POU2F2: variants seen among roughly 807,000 people sequenced by gnomAD.
The protein encoded by POU2F2 is POU domain, class 2, transcription factor 2.
Under a neutral mutation model 63.5 loss-of-function variants are expected in POU2F2, and 14 were observed. That is an observed-to-expected ratio of 0.22 (90% confidence interval 0.15 to 0.34). The LOEUF (loss-of-function observed/expected upper bound fraction) is 0.34, where lower values mean the gene tolerates loss of function less well. POU2F2 is among the 10% of genes least tolerant of loss of function. The pLI is 1.00. For missense variants in POU2F2, 607 were observed against 815.2 expected, an observed-to-expected ratio of 0.74 and a Z score of 3.11; for synonymous variants, 306 against 348.6, an observed-to-expected ratio of 0.88 and a Z score of 1.36.
At chr19:42,171,137 C>A (rs2034756410) in intron 1 of POU2F2, among the ~76,000 whole-genome samples, 1 of 152,270 alleles carries the variant, frequency 6.6e-6, no homozygotes, top group Non-Finnish European at 1.5e-5. Context: ...GCGACCCTCC[C>A]CTCAGCACAC....
chr19:42,099,279 C>G (rs2077038027), intron 7 of POU2F2: 1 of 484,866 alleles, frequency 2.1e-6, no homozygotes, highest in African/African-American at 1.9e-5. Flanking sequence ...TCATCATATT[C>G]TCAAAGGAGC....
At chr19:42,140,802 G>A (rs1357763807) in intron 2 of POU2F2, among the ~76,000 whole-genome samples, 2 of 152,194 alleles carry the variant, frequency 1.3e-5, no homozygotes, top group African/African-American at 4.8e-5. Context: ...CTGGCATATA[G>A]TTGATGCTTG....
At chr19:42,102,142 C>T (rs764916511) in intron 5 of POU2F2, among the ~76,000 whole-genome samples, 15 of 152,288 alleles carry the variant, frequency 9.8e-5, no homozygotes, top group African/African-American at 2.6e-4. Context: ...AGCCCAAGCG[C>T]GCACAACAGT....
At chr19:42,139,088 G>C (rs2034076506) in intron 2 of POU2F2, among the ~76,000 whole-genome samples, 1 of 152,126 alleles carries the variant, frequency 6.6e-6, no homozygotes, top group East Asian at 1.9e-4. Flanking sequence ...AGGTCGACGA[G>C]GGCGGATCAC....
chr19:42,194,925 G>A (rs1205904082), intron 1 of POU2F2, among the ~76,000 whole-genome samples: 2 of 116,628 alleles, frequency 1.7e-5, no homozygotes, highest in African/African-American at 6.9e-5. Context: ...GGAAGGGAAG[G>A]AGGAAAGAAA....
In POU2F2 at chr19:42,095,222, G is replaced by A. The variant is rs1201868723; in HGVS notation, c.1197+64C>T. 1 of 1,526,906 alleles carries A rather than the reference G, an allele frequency of 6.5e-7. No individual in the cohort carries two copies. The highest frequency in any genetic ancestry group is 8.8e-7 in the Non-Finnish European group (1 of 1,134,566). The allele number at this position is 1,526,906 out of a possible 1,614,324, so 94.6% of individuals were successfully genotyped here. A position where few individuals can be genotyped will look rare whatever the true frequency, so the allele number is the denominator to read the frequency against. On this transcript the variant is annotated intron_variant, in intron 11 of 14. Transcript: ENST00000692977. The surrounding 1 kb of genome is among the most constrained non-coding windows in gnomAD (Gnocchi z 7.1). ...GGCTCTGTGGACAACCAGGTAGGGT[G>A]GGCTTCACACAGGTGCCTGCGGAGC...
chr19:42,193,635 A>G (rs541496900), intron 1 of POU2F2, among the ~76,000 whole-genome samples: 1 of 152,248 alleles, frequency 6.6e-6, no homozygotes, highest in South Asian at 2.1e-4. Flanking sequence ...GAACTGTGAG[A>G]AAATACATTT....
chr19:42,091,214 A>G lies in POU2F2; in HGVS notation c.*43T>C. ...TCGCCCTCTTCCCAGGCAAGGGACC[A>G]AGGCAGGGACCAGAGGAATGGGAGG... On this transcript the variant is annotated 3_prime_UTR_variant, in exon 15 of 15. Transcript: ENST00000692977. The G allele has an allele frequency of 6.7e-7, 1 of 1,487,720 alleles. No individual in the cohort carries two copies. Among genetic ancestry groups the G allele is most frequent in the Non-Finnish European group, 8.9e-7 (1 of 1,119,582 alleles). The allele number at this position is 1,487,720 out of a possible 1,614,324, so 92.2% of individuals were successfully genotyped here. A position where few individuals can be genotyped will look rare whatever the true frequency, so the allele number is the denominator to read the frequency against.
At chr19:42,181,559 C>T (rs75782847) in intron 1 of POU2F2, among the ~76,000 whole-genome samples, 3,047 of 148,274 alleles carry the variant, frequency 0.021, 100 homozygotes, top group African/African-American at 0.071. Flanking sequence ...TGAGTGTGTG[C>T]GTCTGAACAT....
intron 2 of POU2F2, among the ~76,000 whole-genome samples, chr19:42,150,499 C>T (rs2034321211): frequency 6.6e-6 from 1 of 150,798 alleles, no homozygotes; most frequent in Non-Finnish European, 1.5e-5. Flanking sequence ...GCATTCAGGG[C>T]AGCTGACAAT....
intron 7 of POU2F2, 69 bp downstream of exon 7, chr19:42,099,458 C>T: frequency 7.3e-7 from 1 of 1,371,812 alleles, no homozygotes; most frequent in Non-Finnish European, 1.0e-6. Context: ...CATCCCCCAC[C>T]CCCGTTTACC....
At chr19:42,113,479 AACCAGCATTT>A (rs1477422017) in intron 5 of POU2F2, among the ~76,000 whole-genome samples, 3 of 152,250 alleles carry the variant, frequency 2.0e-5, no homozygotes, top group Non-Finnish European at 4.4e-5. Flanking sequence ...CAAACTGTTT[AACCAGCATTT>A]ACTTTGGAAG....
rs951288163 is a variant in POU2F2, at chr19:42,088,699, T to C, written c.*2558A>G. 2.0e-5 allele frequency: 3 copies of C among 152,684 alleles called. No homozygotes were observed. In the East Asian group the frequency reaches 5.8e-4, roughly 30 times the overall value. The allele number at this position is 152,684 out of a possible 1,614,324, so 9.5% of individuals were successfully genotyped here. A position where few individuals can be genotyped will look rare whatever the true frequency, so the allele number is the denominator to read the frequency against. On this transcript the variant is annotated 3_prime_UTR_variant, in exon 15 of 15. Coordinates refer to ENST00000692977, the MANE Select transcript of POU2F2 (RefSeq NM_001394376.1). ...CCCTTGGGCTGGGGCCCAAGCCCTC[T>C]TGCCAGTCCCTTCTCTCTTCAGGAA...
At chr19:42,184,459 A>G (rs950197976) in intron 1 of POU2F2, among the ~76,000 whole-genome samples, 4 of 152,074 alleles carry the variant, frequency 2.6e-5, no homozygotes, top group African/African-American at 9.7e-5. Flanking sequence ...CATCTCCAAG[A>G]GTTTGTGGGC....
intron 1 of POU2F2, among the ~76,000 whole-genome samples, chr19:42,165,301 A>G (rs1348321277): frequency 6.6e-6 from 1 of 152,234 alleles, no homozygotes; most frequent in African/African-American, 2.4e-5. Flanking sequence ...TGCTCTCAAT[A>G]GAGTGGGCGG....
chr19:42,102,648 G>A (rs1250950178), intron 5 of POU2F2, among the ~76,000 whole-genome samples: 1 of 151,588 alleles, frequency 6.6e-6, no homozygotes, highest in Non-Finnish European at 1.5e-5. Flanking sequence ...TAAAATAAAG[G>A]GAAAAAAGGG....
chr19:42,091,256 C>G lies in POU2F2; in HGVS notation c.*1G>C. 6.5e-7 allele frequency: 1 copy of G among 1,528,408 alleles called. No homozygotes were observed. The highest frequency in any genetic ancestry group is 8.7e-7 in the Non-Finnish European group (1 of 1,142,920). The allele number at this position is 1,528,408 out of a possible 1,614,324, so 94.7% of individuals were successfully genotyped here. On this transcript the variant is annotated 3_prime_UTR_variant, in exon 15 of 15. Transcript: ENST00000692977. Reference sequence around the variant, plus strand: ...AATGGGAGGGGAGGCATGGCTGGCCCTCACTCAGGTTTGGACCCTGCCTCG... The same window carrying G: ...AATGGGAGGGGAGGCATGGCTGGCCGTCACTCAGGTTTGGACCCTGCCTCG...
intron 1 of POU2F2, 101 bp downstream of exon 1, chr19:42,132,283 C>T: frequency 7.4e-7 from 1 of 1,360,330 alleles, no homozygotes; most frequent in African/African-American, 1.5e-5. Flanking sequence ...AGGAGAAGGA[C>T]AATGGAGACA....
intron 1 of POU2F2, among the ~76,000 whole-genome samples, chr19:42,174,902 G>A (rs1481344686): frequency 6.6e-6 from 1 of 152,102 alleles, no homozygotes; most frequent in East Asian, 1.9e-4. Context: ...CTAAATCCAG[G>A]ACCTACTCCC....
Sources: gnomAD v4.1 joint callset for allele counts (sites outside exome capture counted in the v4.1 genomes callset) on GRCh38, gnomAD v4.1.1 for gene constraint, Gnocchi (gnomAD v3.1) non-coding constraint, MANE v1.5 for transcripts, NCBI Gene and HGNC (gene_info 2026-07-23, HGNC 2026-07-21) for gene names.